Variants in ITGB4 observed in about 807,000 individuals in gnomAD.
The protein encoded by ITGB4 is integrin subunit beta 4, also known as integrin beta-4.
ITGB4 carries 159 observed loss-of-function variants against 207.6 expected under a neutral mutation model. The ratio of observed to expected loss-of-function variants is 0.77; its 90% confidence interval spans 0.67 to 0.87. ITGB4 has a LOEUF of 0.87. Among genes scored for constraint, ITGB4 ranks in the 40% least tolerant of loss-of-function variants. The pLI is 0.00. For missense variants in ITGB4, 2,278 were observed against 2,546.8 expected, an observed-to-expected ratio of 0.89 and a Z score of 2.27; for synonymous variants, 1,020 against 1,062.7, an observed-to-expected ratio of 0.96 and a Z score of 0.78.
At position 75,740,334 on chromosome 17, in the gene ITGB4, C is replaced by A; in HGVS notation, c.2447-24C>A. On this transcript the variant is annotated intron_variant, in intron 20 of 39. Coordinates refer to ENST00000200181, the MANE Select transcript of ITGB4 (RefSeq NM_000213.5). The surrounding 1 kb of genome is among the most constrained non-coding windows in gnomAD (Gnocchi z 5.9). The stretch of plus-strand genomic sequence containing the variant: ...CAGGGGGCTGACCACCTCCATCTCA[C>A]CCCCTCCCACCGCCTTTCCTTAGTG... The A allele has an allele frequency of 6.3e-7, 1 of 1,589,830 alleles. No individual in the cohort carries two copies. Among genetic ancestry groups the A allele is most frequent in the Non-Finnish European group, 8.6e-7 (1 of 1,161,514 alleles).
chr17:75,734,080 C>T (rs2148490145), intron 13 of ITGB4, among the ~76,000 whole-genome samples: 1 of 151,262 alleles, frequency 6.6e-6, no homozygotes, highest in South Asian at 2.1e-4. Flanking sequence ...TCTTTCCTCT[C>T]TCCAAAGATG....
Position 75,756,822 on chromosome 17 carries a change from C to G in ITGB4, c.5016C>G (p.Val1672=). ...CACGGAGGCCCAATGGGGATATCGT[C>G]GGCTACCTGGTGACCTGTGAGATGG... The part of the protein sequence containing the change: ...ERPRRPNGDI[V]GYLVTCEMAQ... Residue 1672 remains valine, a synonymous_variant, in exon 37 of 40, where the codon GTC becomes GTG. Coordinates refer to ENST00000200181, the MANE Select transcript of ITGB4 (RefSeq NM_000213.5). The G allele has an allele frequency of 6.2e-7, 1 of 1,612,446 alleles. No individual in the cohort carries two copies. Among genetic ancestry groups the G allele is most frequent in the Non-Finnish European group, 8.5e-7 (1 of 1,180,004 alleles).
At chr17:75,749,467 G>A (rs576422595) in intron 27 of ITGB4, among the ~76,000 whole-genome samples, 6 of 152,274 alleles carry the variant, frequency 3.9e-5, no homozygotes, top group African/African-American at 1.2e-4. Context: ...GGTCTGGGCC[G>A]CAGCAAGCTG....
chr17:75,723,103 G>T (rs879216058), intron 1 of ITGB4, among the ~76,000 whole-genome samples: 1 of 152,192 alleles, frequency 6.6e-6, no homozygotes. Flanking sequence ...TAGCTTCTGC[G>T]TGGAGGCTGC....
At chr17:75,736,237 G>A in intron 14 of ITGB4, 51 bp from the exon 15 acceptor site, 1 of 1,602,532 alleles carries the variant, frequency 6.2e-7, no homozygotes, top group Admixed American at 1.7e-5. Context: ...AGGAGAGGGA[G>A]CAGGCAGGGA....
Position 75,731,350 on chromosome 17 carries a change from C to T in ITGB4, c.1197C>T (p.His399=), listed in dbSNP as rs1272159173. The T allele has an allele frequency of 1.2e-6, 2 of 1,612,890 alleles. No individual in the cohort carries two copies. Among genetic ancestry groups the T allele is most frequent in the Admixed American group, 1.7e-5 (1 of 60,008 alleles). The change falls in exon 10 of 40, where the codon CAC becomes CAT. Residue 399 remains histidine (H), a synonymous_variant. Coordinates refer to ENST00000200181, the MANE Select transcript of ITGB4 (RefSeq NM_000213.5). This position sits in a 1 kb window ranked among gnomAD's most constrained non-coding sequence, Gnocchi z 6.8. ...AGAAGACGAGGACTGGGTCCTTTCA[C>T]ATCCGGCGGGGGGAAGTGGTACGCC... ...MFQKTRTGSF[H]IRRGEVGIYQ...
Position 75,742,575 on chromosome 17 carries a change from C to A in ITGB4, c.2783-7C>A. 1 of 1,613,892 alleles carries A rather than the reference C, an allele frequency of 6.2e-7. No individual in the cohort carries two copies. Among genetic ancestry groups the A allele is most frequent in the Non-Finnish European group, 8.5e-7 (1 of 1,180,006 alleles). ...CCACCTCTGACCACCTCCGAACCCC[C>A]ACCCAGACGCCCGGGGCATGGTGGA... On this transcript the variant is annotated splice_polypyrimidine_tract_variant and splice_region_variant and intron_variant, in intron 24 of 39. Coordinates refer to ENST00000200181, the MANE Select transcript of ITGB4 (RefSeq NM_000213.5). The surrounding 1 kb of genome is among the most constrained non-coding windows in gnomAD (Gnocchi z 5.9).
chr17:75,745,247 G>A (rs1407300908), intron 26 of ITGB4, among the ~76,000 whole-genome samples: 1 of 151,996 alleles, frequency 6.6e-6, no homozygotes, highest in Non-Finnish European at 1.5e-5. Flanking sequence ...TTAAACATTA[G>A]CTGGGCATGG....
rs1222560924 is a variant in ITGB4, at chr17:75,721,507, C to G, written c.-116C>G. ...CGGACAGTCCCTGCTCGCCCGCGCG[C>G]TGCAGCCCCATCTCCTAGCGGCAGC... On this transcript the variant is annotated 5_prime_UTR_variant, in exon 1 of 40. Coordinates refer to ENST00000200181, the MANE Select transcript of ITGB4 (RefSeq NM_000213.5). 1.3e-5 allele frequency: 2 copies of G among 151,448 alleles called. No individual in the cohort carries two copies. The highest frequency in any genetic ancestry group is 3.0e-5 in the Non-Finnish European group (2 of 67,786). The allele number at this position is 151,448 out of a possible 1,614,324, so 9.4% of individuals were successfully genotyped here. A position where few individuals can be genotyped will look rare whatever the true frequency, so the allele number is the denominator to read the frequency against.
In ITGB4 at chr17:75,740,343, A is replaced by G; in HGVS notation, c.2447-15A>G. On this transcript the variant is annotated splice_polypyrimidine_tract_variant and intron_variant, in intron 20 of 39. Transcript: ENST00000200181. The surrounding 1 kb of genome is among the most constrained non-coding windows in gnomAD (Gnocchi z 5.9). ...GACCACCTCCATCTCACCCCCTCCC[A>G]CCGCCTTTCCTTAGTGCCCTACGGG... is the stretch of plus-strand genomic sequence containing the variant. 1.2e-6 allele frequency: 2 copies of G among 1,608,316 alleles called. No individual in the cohort carries two copies. The highest frequency in any genetic ancestry group is 1.7e-6 in the Non-Finnish European group (2 of 1,176,986).
Position 75,727,183 on chromosome 17 carries a change from C to T in ITGB4, c.80-12C>T. The T allele has an allele frequency of 6.2e-7, 1 of 1,613,380 alleles. No individual in the cohort carries two copies. Among genetic ancestry groups the T allele is most frequent in the Non-Finnish European group, 8.5e-7 (1 of 1,179,664 alleles). On this transcript the variant is annotated splice_polypyrimidine_tract_variant and intron_variant, in intron 2 of 39. Transcript: ENST00000200181. This position sits in a 1 kb window ranked among gnomAD's most constrained non-coding sequence, Gnocchi z 6.0. ...CGCCTCCCCATTCATGTGCCCACAT[C>T]TGTCCCCCCAGCAAACCGCTGCAAG...
chr17:75,753,765 G>A lies in ITGB4; in HGVS notation c.4109G>A (p.Gly1370Asp), dbSNP rs1487492169. The change falls in exon 33 of 40, where the codon GGC becomes GAC. Residue 1370 changes from glycine to aspartate, a missense_variant and splice_region_variant. Coordinates refer to ENST00000200181, the MANE Select transcript of ITGB4 (RefSeq NM_000213.5). ...AACGCGGCCCTTCGTTGTTCCCAAG[G>A]CTGCGGCTGGAAGTTCGAGCCCCTG... is the stretch of plus-strand genomic sequence containing the variant. ...SQRPSVSDDT[G>D]CGWKFEPLLG... 12 of 1,440,750 alleles carry A rather than the reference G, an allele frequency of 8.3e-6. No homozygotes were observed. In the East Asian group the frequency reaches 3.0e-4, roughly 36 times the overall value. 89.2% of individuals were successfully genotyped at this position (1,440,750 alleles called of 1,614,324 possible). A position where few individuals can be genotyped will look rare whatever the true frequency, so the allele number is the denominator to read the frequency against.
In ITGB4 at chr17:75,729,740, CCAG is replaced by C. The variant is rs1017686883; in HGVS notation, c.738+306_738+308del. On this transcript the variant is annotated intron_variant, in intron 7 of 39. Transcript: ENST00000200181. This position sits in a 1 kb window ranked among gnomAD's most constrained non-coding sequence, Gnocchi z 4.4. ...TGGAATCTTTAGTACCCTGAACCCA[CCAG>C]CTGCCCAGACTCCACCTGTTCTGGG... Among the ~76,000 whole-genome samples, 2 of 152,206 alleles carry C rather than the reference CCAG, an allele frequency of 1.3e-5. No homozygotes were observed. The highest frequency in any genetic ancestry group is 2.9e-5 in the Non-Finnish European group (2 of 68,030).
At position 75,731,134 on chromosome 17, in the gene ITGB4, C is replaced by CCTGGCT. The variant is rs2060847181; in HGVS notation, c.1093-110_1093-105dup. ...CCCCGAGGGGCCACCTGGGCCTGGC[C>CCTGGCT]CTGGCTCCTGCAGGCTCTGTGATAC... is the stretch of plus-strand genomic sequence containing the variant. On this transcript the variant is annotated intron_variant, in intron 9 of 39. Transcript: ENST00000200181. This position sits in a 1 kb window ranked among gnomAD's most constrained non-coding sequence, Gnocchi z 6.8. 1.3e-6 allele frequency: 2 copies of CCTGGCT among 1,575,004 alleles called. No individual in the cohort carries two copies. The highest frequency in any genetic ancestry group is 1.7e-6 in the Non-Finnish European group (2 of 1,153,462).
At position 75,754,753 on chromosome 17, in the gene ITGB4, AAC is replaced by A; in HGVS notation, c.4499_4500del (p.His1500LeufsTer71). ...GACTACAACTCACTGACCCGCTCAG[AAC>A]ACTCACACTCGACCACACTGCCCAG... On this transcript the variant is annotated frameshift_variant, in exon 34 of 40. Coordinates refer to ENST00000200181, the MANE Select transcript of ITGB4 (RefSeq NM_000213.5). LOFTEE classifies it high-confidence loss of function. 1 of 1,612,642 alleles carries A rather than the reference AAC, an allele frequency of 6.2e-7. No individual in the cohort carries two copies. Among genetic ancestry groups the A allele is most frequent in the Non-Finnish European group, 8.5e-7 (1 of 1,178,976 alleles).
Position 75,756,796 on chromosome 17 carries a change from C to T in ITGB4, c.4990C>T (p.Pro1664Ser). 6.2e-7 allele frequency: 1 copy of T among 1,612,614 alleles called. No homozygotes were observed. The highest frequency in any genetic ancestry group is 8.5e-7 in the Non-Finnish European group (1 of 1,180,018). Residue 1664 changes from proline (P) to serine (S), a missense_variant, in exon 37 of 40, where the codon CCA becomes TCA. Physicochemically the swap from Pro to Ser is moderately conservative, Grantham distance 74. Coordinates refer to ENST00000200181, the MANE Select transcript of ITGB4 (RefSeq NM_000213.5). ...PDSLQLSWERPRRPNGDIVGY... is the reference protein window; with the variant it reads ...PDSLQLSWERSRRPNGDIVGY... The stretch of plus-strand genomic sequence containing the variant: ...CTCGCTGCAGCTGAGCTGGGAGCGG[C>T]CACGGAGGCCCAATGGGGATATCGT...
rs1193018037 is a variant in ITGB4 at position 75,729,030 on chromosome 17, C to A, written c.567-235C>A. Among the ~76,000 whole-genome samples, 2 of 149,468 alleles carry A rather than the reference C, an allele frequency of 1.3e-5. No individual in the cohort carries two copies. The highest frequency in any genetic ancestry group is 4.9e-5 in the African/African-American group (2 of 40,524). On this transcript the variant is annotated intron_variant, in intron 6 of 39. Coordinates refer to ENST00000200181, the MANE Select transcript of ITGB4 (RefSeq NM_000213.5). This position sits in a 1 kb window ranked among gnomAD's most constrained non-coding sequence, Gnocchi z 4.4. ...AAAATTAGCCAGGTGTGGTGGTGGG[C>A]GCCTGTAATTCCAGCTACTTGGGAG...
chr17:75,738,429 A>G (rs977710883), intron 18 of ITGB4, among the ~76,000 whole-genome samples: 1 of 152,222 alleles, frequency 6.6e-6, no homozygotes, highest in African/African-American at 2.4e-5. Flanking sequence ...CAGTGGGGCA[A>G]GGTCACCATG....
intron 26 of ITGB4, among the ~76,000 whole-genome samples, chr17:75,746,660 C>T (rs2143253460): frequency 6.7e-6 from 1 of 148,838 alleles, no homozygotes; most frequent in South Asian, 2.3e-4. Flanking sequence ...TGCTTTGAGG[C>T]TGGGTACAGT....
Sources: gnomAD v4.1 joint callset for allele counts (sites outside exome capture counted in the v4.1 genomes callset) on GRCh38, gnomAD v4.1.1 for gene constraint, Gnocchi (gnomAD v3.1) non-coding constraint, MANE v1.5 for transcripts, NCBI Gene and HGNC (gene_info 2026-07-23, HGNC 2026-07-21) for gene names.